Variants in PTPRN2 observed in about 807,000 individuals in gnomAD.
PTPRN2 encodes receptor-type tyrosine-protein phosphatase N2.
A neutral mutation model predicts 118.8 loss-of-function variants in PTPRN2; 74 were observed. That is an observed-to-expected ratio of 0.62 (90% CI 0.52 to 0.76). The LOEUF is 0.76. Ranked by LOEUF, PTPRN2 falls within the 30% of genes least tolerant of loss-of-function variation. PTPRN2 has a pLI of 0.00. For synonymous variants in PTPRN2, 641 were observed against 608.0 expected (o/e 1.05, Z -0.80); for missense variants, 1,481 against 1,394.4 (o/e 1.06, Z -0.99).
chr7:158,332,829 AT>A (rs142761125), intron 2 of PTPRN2, among the ~76,000 whole-genome samples: 1,805 of 147,536 alleles, frequency 0.012, 2 homozygotes, highest in African/African-American at 0.044. Flanking sequence ...ACTTCTCACC[AT>A]AAGAGGTGAC....
At chr7:158,275,683 G>T (rs1318647347) in intron 3 of PTPRN2, among the ~76,000 whole-genome samples, 1 of 152,218 alleles carries the variant, frequency 6.6e-6, no homozygotes, top group Non-Finnish European at 1.5e-5. Flanking sequence ...TGAGAATCGA[G>T]GTACTACGTT....
At chr7:157,677,201 A>C (rs962195053) in intron 13 of PTPRN2, among the ~76,000 whole-genome samples, 13 of 152,236 alleles carry the variant, frequency 8.5e-5, no homozygotes, top group African/African-American at 2.7e-4. Context: ...CAAGGCAAAC[A>C]TAGGAATGGC....
chr7:157,544,084 G>C (rs1043270506), intron 22 of PTPRN2, among the ~76,000 whole-genome samples: 3 of 151,760 alleles, frequency 2.0e-5, no homozygotes, highest in African/African-American at 7.3e-5. Flanking sequence ...GAGAGACGGA[G>C]AGAGGTGAAG....
intron 2 of PTPRN2, among the ~76,000 whole-genome samples, chr7:158,334,077 C>G (rs1805080763): frequency 1.2e-5 from 1 of 85,740 alleles, no homozygotes; most frequent in Non-Finnish European, 2.5e-5. Flanking sequence ...CACTCACACC[C>G]ACACTCTCAC....
chr7:158,459,591 A>G (rs1818817757), intron 2 of PTPRN2, among the ~76,000 whole-genome samples: 1 of 152,164 alleles, frequency 6.6e-6, no homozygotes, highest in Non-Finnish European at 1.5e-5. Flanking sequence ...CCACACACAC[A>G]TGACTCGGAG....
intron 12 of PTPRN2, among the ~76,000 whole-genome samples, chr7:157,800,298 C>G (rs1347638509): frequency 1.3e-5 from 2 of 152,232 alleles, no homozygotes; most frequent in Admixed American, 1.3e-4. Context: ...TTAGCCCCAC[C>G]TTCCATCACT....
chr7:157,603,985 C>G lies in PTPRN2; in HGVS notation c.2418+17G>C. 1 of 1,612,700 alleles carries G rather than the reference C, an allele frequency of 6.2e-7. No homozygotes were observed. The highest frequency in any genetic ancestry group is 2.2e-5 in the East Asian group (1 of 44,878). On this transcript the variant is annotated intron_variant, in intron 16 of 22. Coordinates refer to ENST00000389418, the MANE Select transcript of PTPRN2 (RefSeq NM_002847.5). This position sits in a 1 kb window ranked among gnomAD's most constrained non-coding sequence, Gnocchi z 5.4. ...CCAAGGGAAAGCCTGGGGCCCCTGT[C>G]CCGGCAGTGCACTTACGATGGGGCT...
At chr7:157,756,633 C>G (rs1029506769) in intron 12 of PTPRN2, among the ~76,000 whole-genome samples, 2 of 152,160 alleles carry the variant, frequency 1.3e-5, no homozygotes, top group Non-Finnish European at 2.9e-5. Flanking sequence ...TGCGCCTGCG[C>G]TGCTCTCACT....
intron 2 of PTPRN2, among the ~76,000 whole-genome samples, chr7:158,385,703 G>A (rs959086665): frequency 2.6e-5 from 4 of 152,194 alleles, no homozygotes; most frequent in Non-Finnish European, 2.9e-5. Context: ...GCCTGCTACT[G>A]ATGAGCTACG....
At position 158,259,731 on chromosome 7, in the gene PTPRN2, G is replaced by A. The variant is rs1310888064; in HGVS notation, c.278-54458C>T. 2.0e-5 allele frequency among the ~76,000 whole-genome samples: 3 copies of A among 148,538 alleles called. No individual in the cohort carries two copies. In the Admixed American group the frequency reaches 2.1e-4, roughly 10 times the overall value. ...CGGGTGTACAGGTATGTGTGTTTGT[G>A]TGTCCATGTGTCCATGAGTACACAT... On this transcript the variant is annotated intron_variant, in intron 3 of 22. Coordinates refer to ENST00000389418, the MANE Select transcript of PTPRN2 (RefSeq NM_002847.5).
At chr7:158,365,723 C>A (rs1221880818) in intron 2 of PTPRN2, among the ~76,000 whole-genome samples, 2 of 148,492 alleles carry the variant, frequency 1.3e-5, no homozygotes, top group Admixed American at 6.7e-5. Flanking sequence ...CACACACCCA[C>A]ACACACACAG....
intron 2 of PTPRN2, among the ~76,000 whole-genome samples, chr7:158,317,881 C>A (rs760257609): frequency 6.6e-6 from 1 of 152,214 alleles, no homozygotes; most frequent in East Asian, 1.9e-4. Flanking sequence ...ATGCTCACGA[C>A]GACGGGGCCG....
At chr7:158,518,360 C>T (rs988442795) in intron 1 of PTPRN2, among the ~76,000 whole-genome samples, 9 of 151,818 alleles carry the variant, frequency 5.9e-5, no homozygotes, top group Admixed American at 3.3e-4. Flanking sequence ...ACGGATTTCA[C>T]GGGGTGGGAG....
At chr7:158,283,261 A>G (rs1285654653) in intron 3 of PTPRN2, among the ~76,000 whole-genome samples, 2 of 152,210 alleles carry the variant, frequency 1.3e-5, no homozygotes, top group East Asian at 1.9e-4. Context: ...ACAAACTCCT[A>G]TGTGGGAAAT....
intron 9 of PTPRN2, among the ~76,000 whole-genome samples, chr7:158,132,933 G>C (rs1818492727): frequency 6.6e-6 from 1 of 152,106 alleles, no homozygotes; most frequent in South Asian, 2.1e-4. Flanking sequence ...CCTTCTCTTT[G>C]AAACACCAAT....
At position 157,723,789 on chromosome 7, in the gene PTPRN2, C is replaced by T. The variant is rs145638460; in HGVS notation, c.1789-40852G>A. Among the ~76,000 whole-genome samples, 181 of 152,302 alleles carry T rather than the reference C, an allele frequency of 1.2e-3. 1 individual carries two copies. Among genetic ancestry groups the T allele is most frequent in the Non-Finnish European group, 1.9e-3 (127 of 68,036 alleles). On this transcript the variant is annotated intron_variant, in intron 12 of 22. Transcript: ENST00000389418. ...ACGGACCCTGAGCAAGTGTGAGAGA[C>T]GTAAGCCAGCAATGAAGCCATGCCC...
Position 158,232,372 on chromosome 7 carries a change from T to G in PTPRN2, c.278-27099A>C, listed in dbSNP as rs79437632. Among the ~76,000 whole-genome samples, 849 of 152,184 alleles carry G rather than the reference T, an allele frequency of 5.6e-3. 4 individuals carry two copies. The highest frequency in any genetic ancestry group is 0.019 in the African/African-American group (794 of 41,562). On this transcript the variant is annotated intron_variant, in intron 3 of 22. Coordinates refer to ENST00000389418, the MANE Select transcript of PTPRN2 (RefSeq NM_002847.5). ...AACCTAGAAGAAATAGGTACATTCC[T>G]GGACACTACCAAGATTGAACCATGA... is the stretch of plus-strand genomic sequence containing the variant.
chr7:158,186,468 T>C (rs1164500043), intron 5 of PTPRN2, among the ~76,000 whole-genome samples: 1 of 152,210 alleles, frequency 6.6e-6, no homozygotes, highest in Non-Finnish European at 1.5e-5. Context: ...TGTCTCCTGG[T>C]CGTCCCCCAA....
At chr7:157,933,764 C>A (rs540934636) in intron 11 of PTPRN2, among the ~76,000 whole-genome samples, 2 of 139,646 alleles carry the variant, frequency 1.4e-5, no homozygotes, top group South Asian at 4.8e-4. Flanking sequence ...GTGAGTCACT[C>A]TGATTGACAG....
Sources: allele counts gnomAD v4.1 joint callset (sites outside exome capture counted in the v4.1 genomes callset), GRCh38; gene constraint gnomAD v4.1.1; non-coding constraint Gnocchi (gnomAD v3.1); transcripts MANE v1.5; gene names NCBI Gene and HGNC (gene_info 2026-07-23, HGNC 2026-07-21).